Variants in SHANK2 observed in about 807,000 individuals in gnomAD.
SHANK2 encodes the protein SH3 and multiple ankyrin repeat domains protein 2.
In SHANK2, 43 loss-of-function variants were observed where a neutral mutation model predicts 133.7. The observed-to-expected ratio is 0.32, with a 90% CI of 0.25 to 0.41. The LOEUF is 0.41. SHANK2 is among the 10% of genes least tolerant of loss of function. SHANK2 has a pLI of 1.00. For missense variants in SHANK2, 1,994 were observed against 2,235.8 expected (o/e 0.89, Z 2.18); for synonymous variants, 1,017 against 952.8 (o/e 1.07, Z -1.24).
intron 6 of SHANK2, among the ~76,000 whole-genome samples, chr11:71,096,228 T>C (rs1177392735): frequency 2.0e-5 from 3 of 152,240 alleles, no homozygotes; most frequent in Admixed American, 2.0e-4. Context: ...TGCAGAAGTT[T>C]TAAAGAAAAA....
chr11:70,807,203 G>C lies in SHANK2; in HGVS notation c.1494-32C>G, dbSNP rs782621117. The stretch of plus-strand genomic sequence containing the variant: ...CAGGTGAGAGGGGCAGAGAGAGAGA[G>C]AGCAGAGTCACAAGGTCACAAGCCA... On this transcript the variant is annotated intron_variant, in intron 12 of 25. Coordinates refer to ENST00000601538, the MANE Select transcript of SHANK2 (RefSeq NM_012309.5). The surrounding 1 kb of genome is among the most constrained non-coding windows in gnomAD (Gnocchi z 4.8). The C allele has an allele frequency of 1.4e-6, 1 of 708,216 alleles. No individual in the cohort carries two copies. 43.9% of individuals were successfully genotyped at this position (708,216 alleles called of 1,614,324 possible).
chr11:70,619,362 C>A (rs782370675), intron 17 of SHANK2, among the ~76,000 whole-genome samples: 1 of 152,138 alleles, frequency 6.6e-6, no homozygotes, highest in Non-Finnish European at 1.5e-5. Context: ...GCTCTGGGGA[C>A]CCCTGGCGTT....
intron 15 of SHANK2, among the ~76,000 whole-genome samples, chr11:70,690,670 CATAAAT>C (rs60007949): frequency 0.19 from 25,245 of 129,876 alleles, 2,504 homozygotes; most frequent in Admixed American, 0.24. Flanking sequence ...ACTTAGAACC[CATAAAT>C]ATAAATATAA....
chr11:70,826,858 T>A (rs1207844654), intron 11 of SHANK2: 1 of 206,660 alleles, frequency 4.8e-6, no homozygotes, highest in African/African-American at 2.3e-5. Context: ...TCAGGCGTCC[T>A]CGAGCTGGCA....
At chr11:70,920,358 G>T (rs1950332857) in intron 10 of SHANK2, among the ~76,000 whole-genome samples, 2 of 152,166 alleles carry the variant, frequency 1.3e-5, no homozygotes, top group South Asian at 4.1e-4. Context: ...CTCCCAAAGG[G>T]CTGGGTTTAC....
At chr11:71,075,611 C>T (rs986866893) in intron 8 of SHANK2, among the ~76,000 whole-genome samples, 4 of 152,164 alleles carry the variant, frequency 2.6e-5, no homozygotes, top group African/African-American at 9.7e-5. Context: ...TGTCTTTCTC[C>T]CATCCTCAGT....
At chr11:70,817,007 G>A (rs923164037) in intron 12 of SHANK2, among the ~76,000 whole-genome samples, 2 of 152,350 alleles carry the variant, frequency 1.3e-5, no homozygotes, top group East Asian at 1.9e-4. Flanking sequence ...GCTCCCTTCT[G>A]TGCCTCTCAC....
In SHANK2 at chr11:70,758,203, G is replaced by C. The variant is rs117168259; in HGVS notation, c.1777+40240C>G. Among the ~76,000 whole-genome samples, 547 of 152,346 alleles carry C rather than the reference G, an allele frequency of 3.6e-3. 3 individuals are homozygous for C. The highest frequency in any genetic ancestry group is 5.7e-3 in the Non-Finnish European group (388 of 68,030). Reference sequence around the variant, plus strand: ...GACAATGATCGGGATGTAAACCCAGGCATTCCAGCCGGCAATGGCTACCCG... The same window carrying C: ...GACAATGATCGGGATGTAAACCCAGCCATTCCAGCCGGCAATGGCTACCCG... On this transcript the variant is annotated intron_variant, in intron 14 of 25. Transcript: ENST00000601538.
At chr11:70,903,704 G>A (rs569397553) in intron 10 of SHANK2, among the ~76,000 whole-genome samples, 78 of 152,310 alleles carry the variant, frequency 5.1e-4, no homozygotes, top group Non-Finnish European at 9.4e-4. Context: ...TGGAAGCCCC[G>A]ACTTGTGAAG....
chr11:70,879,436 G>A (rs1435853473), intron 11 of SHANK2, among the ~76,000 whole-genome samples: 1 of 152,198 alleles, frequency 6.6e-6, no homozygotes, highest in Non-Finnish European at 1.5e-5. Flanking sequence ...CTCAAAAGAG[G>A]GTCTCAAATG....
intron 10 of SHANK2, among the ~76,000 whole-genome samples, chr11:70,915,564 C>A (rs776049783): frequency 2.6e-5 from 4 of 152,142 alleles, no homozygotes; most frequent in Non-Finnish European, 4.4e-5. Context: ...GTCTGGCCGC[C>A]GAGCCCACCC....
chr11:71,236,965 G>C (rs1954832875), intron 1 of SHANK2, among the ~76,000 whole-genome samples: 1 of 152,226 alleles, frequency 6.6e-6, no homozygotes, highest in African/African-American at 2.4e-5. Flanking sequence ...GGCGCAGGTG[G>C]GACTGCGCTG....
intron 17 of SHANK2, among the ~76,000 whole-genome samples, chr11:70,509,108 C>T (rs888710633): frequency 7.9e-5 from 12 of 152,250 alleles, no homozygotes; most frequent in Non-Finnish European, 1.5e-4. Flanking sequence ...AGCTGTGGGA[C>T]AGTCCCTGTC....
At chr11:71,123,187 A>G (rs1270496760) in intron 3 of SHANK2, among the ~76,000 whole-genome samples, 2 of 152,172 alleles carry the variant, frequency 1.3e-5, no homozygotes, top group African/African-American at 4.8e-5. Flanking sequence ...TCACTGTCCA[A>G]TCAGGCAAAC....
upstream of SHANK2, among the ~76,000 whole-genome samples, chr11:71,252,846 A>C (rs898409381): frequency 6.6e-6 from 1 of 152,072 alleles, no homozygotes; most frequent in Non-Finnish European, 1.5e-5. This position sits in a 1 kb window ranked among gnomAD's most constrained non-coding sequence, Gnocchi z 6.3. Context: ...TGCGTGGCTC[A>C]CGGACCTCCC....
intron 17 of SHANK2, among the ~76,000 whole-genome samples, chr11:70,659,382 C>G (rs868958361): frequency 6.6e-6 from 1 of 152,156 alleles, no homozygotes; most frequent in Non-Finnish European, 1.5e-5. Context: ...AATCTACAAG[C>G]TCTTAGCCAT....
chr11:71,218,555 G>A (rs1205306610), intron 2 of SHANK2, among the ~76,000 whole-genome samples: 1 of 152,086 alleles, frequency 6.6e-6, no homozygotes, highest in Non-Finnish European at 1.5e-5. Context: ...GAGCCCCCGG[G>A]ACCGGGCTGT....
intron 17 of SHANK2, among the ~76,000 whole-genome samples, chr11:70,573,731 G>A (rs1402233313): frequency 3.9e-5 from 6 of 152,158 alleles, no homozygotes; most frequent in Non-Finnish European, 8.8e-5. Context: ...GAGGGGAAAC[G>A]GGGCGCCAGC....
intron 10 of SHANK2, among the ~76,000 whole-genome samples, chr11:70,945,871 T>C (rs556257380): frequency 9.4e-4 from 143 of 152,070 alleles, no homozygotes; most frequent in Non-Finnish European, 1.1e-3. Flanking sequence ...CAGCCCTTGG[T>C]GGGAATGAAC....
Sources: allele counts gnomAD v4.1 joint callset (sites outside exome capture counted in the v4.1 genomes callset), GRCh38; gene constraint gnomAD v4.1.1; non-coding constraint Gnocchi (gnomAD v3.1); transcripts MANE v1.5; gene names NCBI Gene and HGNC (gene_info 2026-07-23, HGNC 2026-07-21).